SHISA9: variants seen among roughly 807,000 people sequenced by gnomAD.
SHISA9 encodes protein shisa-9.
Under a neutral mutation model 38.0 loss-of-function variants are expected in SHISA9, and 13 were observed. The ratio of observed to expected loss-of-function variants is 0.34; its 90% confidence interval spans 0.22 to 0.54. SHISA9 has a LOEUF of 0.54. SHISA9 is among the 20% of genes least tolerant of loss of function. The pLI, the probability that SHISA9 is intolerant of heterozygous loss-of-function variation, is 0.91. For missense variants in SHISA9, 538 were observed against 575.8 expected (o/e 0.93, Z 0.67); for synonymous variants, 275 against 242.0 (o/e 1.14, Z -1.27).
intron 2 of SHISA9, among the ~76,000 whole-genome samples, chr16:12,985,241 G>GTAAATAAATAAATAAGTAAATAAA (rs2072292394): frequency 6.7e-6 from 1 of 148,968 alleles, no homozygotes; most frequent in Non-Finnish European, 1.5e-5. Context: ...AAATAAATAA[G>GTAAATAAATAAATAAGTAAATAAA]TAAATAAATA....
At chr16:13,136,371 G>T (rs2050348070) in intron 2 of SHISA9, among the ~76,000 whole-genome samples, 1 of 134,844 alleles carries the variant, frequency 7.4e-6, no homozygotes. Flanking sequence ...TCTTCTTTTC[G>T]TTGTGTGAAA....
At chr16:13,422,297 T>C in the SHISA9 span, among the ~76,000 whole-genome samples, 1 of 152,234 alleles carries the variant, frequency 6.6e-6, no homozygotes, top group Non-Finnish European at 1.5e-5. Context: ...GGATTTTTTT[T>C]TAAAAAGTTA....
chr16:13,124,411 C>T (rs1414426282), intron 2 of SHISA9, among the ~76,000 whole-genome samples: 1 of 152,126 alleles, frequency 6.6e-6, no homozygotes, highest in Non-Finnish European at 1.5e-5. Flanking sequence ...GTCAGTTCCC[C>T]AAGCCCAAGA....
At chr16:13,218,853 A>G (rs1035961751) in intron 4 of SHISA9, among the ~76,000 whole-genome samples, 3 of 152,196 alleles carry the variant, frequency 2.0e-5, no homozygotes, top group Non-Finnish European at 4.4e-5. Flanking sequence ...ATTGGAGTGC[A>G]TGCATCCTAT....
the SHISA9 span, among the ~76,000 whole-genome samples, chr16:13,417,414 A>T: frequency 6.6e-6 from 1 of 152,052 alleles, no homozygotes; most frequent in African/African-American, 2.4e-5. Context: ...GAATCTGTCC[A>T]CTAAAGGAGA....
the SHISA9 span, among the ~76,000 whole-genome samples, chr16:13,324,340 G>A: frequency 1.3e-5 from 2 of 152,078 alleles, no homozygotes; most frequent in East Asian, 3.9e-4. Context: ...ACCTAGCTCT[G>A]GGAGTTTCTG....
the SHISA9 span, among the ~76,000 whole-genome samples, chr16:13,483,982 G>GT: frequency 6.6e-6 from 1 of 152,210 alleles, no homozygotes; most frequent in Non-Finnish European, 1.5e-5. Flanking sequence ...GGGAACCCCA[G>GT]TTTGAAGCCA....
intron 2 of SHISA9, among the ~76,000 whole-genome samples, chr16:13,037,261 C>T (rs146867559): frequency 9.2e-5 from 14 of 152,048 alleles, no homozygotes; most frequent in African/African-American, 1.7e-4. Context: ...GGCAGGCAAG[C>T]GGGTGTAAGT....
At chr16:13,154,396 T>A (rs1157888832) in intron 2 of SHISA9, among the ~76,000 whole-genome samples, 1 of 152,152 alleles carries the variant, frequency 6.6e-6, no homozygotes, top group African/African-American at 2.4e-5. Context: ...GAGTGAAAGG[T>A]GAGCAGAAAT....
intron 2 of SHISA9, among the ~76,000 whole-genome samples, chr16:13,200,045 C>T (rs923233389): frequency 4.6e-5 from 7 of 152,144 alleles, no homozygotes; most frequent in African/African-American, 1.4e-4. Flanking sequence ...TGTGTAAATA[C>T]TAAGGGGTCC....
At chr16:13,163,129 C>T (rs1192423429) in intron 2 of SHISA9, among the ~76,000 whole-genome samples, 1 of 152,122 alleles carries the variant, frequency 6.6e-6, no homozygotes, top group Non-Finnish European at 1.5e-5. Context: ...ACCTGAGTCT[C>T]AGTTTCTTTG....
chr16:13,011,292 C>T (rs1184473674), intron 2 of SHISA9, among the ~76,000 whole-genome samples: 4 of 149,604 alleles, frequency 2.7e-5, no homozygotes, highest in South Asian at 4.2e-4. Context: ...AGCAAATTCA[C>T]ATAACCATCA....
the SHISA9 span, among the ~76,000 whole-genome samples, chr16:13,283,286 C>A: frequency 3.9e-5 from 6 of 152,172 alleles, no homozygotes; most frequent in South Asian, 2.1e-4. Context: ...ACTCTGTCTC[C>A]CCTGCAGATC....
At chr16:13,022,796 A>G (rs77337025) in intron 2 of SHISA9, among the ~76,000 whole-genome samples, 1,890 of 151,812 alleles carry the variant, frequency 0.012, 71 homozygotes, top group East Asian at 0.1. Flanking sequence ...GAGACAGGGT[A>G]TCACTATGCT....
intron 2 of SHISA9, among the ~76,000 whole-genome samples, chr16:13,118,688 T>G (rs58676808): frequency 0.03 from 4,634 of 151,996 alleles, 104 homozygotes; most frequent in East Asian, 0.11. Flanking sequence ...TACACTAAAG[T>G]CTACGGCACT....
Position 13,005,220 on chromosome 16 carries a change from A to G in SHISA9, c.691+88405A>G, listed in dbSNP as rs951397659. ...TGGGATGCTTGGGAGACATCCAAACAGAGAAGCCAAGTCAGTGTTGGATAT... is the reference window on the plus strand; with the variant it reads ...TGGGATGCTTGGGAGACATCCAAACGGAGAAGCCAAGTCAGTGTTGGATAT... On this transcript the variant is annotated intron_variant, in intron 2 of 4. Coordinates refer to ENST00000558583, the MANE Select transcript of SHISA9 (RefSeq NM_001145204.3). Among the ~76,000 whole-genome samples the G allele has an allele frequency of 3.3e-5, 5 of 152,200 alleles. No homozygotes were observed. In the East Asian group the frequency reaches 7.7e-4, roughly 24 times the overall value.
intron 2 of SHISA9, among the ~76,000 whole-genome samples, chr16:13,011,772 C>T (rs981697149): frequency 3.3e-5 from 5 of 152,130 alleles, no homozygotes; most frequent in African/African-American, 7.2e-5. Context: ...CCGCCTGCCT[C>T]GGCCTCCCAA....
At chr16:13,351,706 T>C in the SHISA9 span, among the ~76,000 whole-genome samples, 1 of 152,242 alleles carries the variant, frequency 6.6e-6, no homozygotes, top group South Asian at 2.1e-4. Context: ...TTGATCTGTC[T>C]CTATATCTGC....
At chr16:13,045,291 T>A (rs1014191974) in intron 2 of SHISA9, among the ~76,000 whole-genome samples, 3 of 152,214 alleles carry the variant, frequency 2.0e-5, no homozygotes, top group Admixed American at 6.5e-5. Context: ...ATGAGGTAGA[T>A]GGTATTAACC....
Sources: allele counts gnomAD v4.1 joint callset (sites outside exome capture counted in the v4.1 genomes callset), GRCh38; gene constraint gnomAD v4.1.1; transcripts MANE v1.5; gene names NCBI Gene and HGNC (gene_info 2026-07-23, HGNC 2026-07-21).